Variants in MYBPHL observed in about 807,000 individuals in gnomAD.
The protein encoded by MYBPHL is myosin binding protein H like.
In MYBPHL, 32 loss-of-function variants were observed where a neutral mutation model predicts 39.5. The ratio of observed to expected loss-of-function variants is 0.81; its 90% CI spans 0.61 to 1.09. The LOEUF (loss-of-function observed/expected upper bound fraction) is 1.09. MYBPHL is among the 50% of genes least tolerant of loss of function. The pLI, the probability that MYBPHL is intolerant of heterozygous loss-of-function variation, is 0.00. For synonymous variants in MYBPHL, 196 were observed against 183.7 expected (o/e 1.07, Z -0.54); for missense variants, 456 against 460.2 (o/e 0.99, Z 0.08).
intron 1 of MYBPHL, 98 bp downstream of exon 1, chr1:109,306,749 C>T: frequency 1.9e-6 from 2 of 1,065,164 alleles, no homozygotes; most frequent in Admixed American, 3.2e-5. Flanking sequence ...GAGTCTTTAG[C>T]TCTGCAGAAA....
At chr1:109,294,077 T>A in intron 8 of MYBPHL, 129 bp downstream of exon 8, 7 of 642,252 alleles carry the variant, frequency 1.1e-5, no homozygotes, top group African/African-American at 1.8e-5. Context: ...AAAAAAATGG[T>A]TACAACAAAA....
rs1009284471 is a variant in MYBPHL at position 109,297,579 on chromosome 1, G to A, written c.273C>T (p.Gly91=). The stretch of plus-strand genomic sequence containing the variant: ...TCACACGCCTGGTGTCCAAGGCACA[G>A]CCATCATGTGTCCAGATGGCTTGAG... ...PKPQAIWTHD[G]CALDTRRVSV... Residue 91 remains glycine, a synonymous_variant, in exon 3 of 9, where the codon GGC becomes GGT. Coordinates refer to ENST00000357155, the MANE Select transcript of MYBPHL (RefSeq NM_001010985.3). 7 of 1,613,862 alleles carry A rather than the reference G, an allele frequency of 4.3e-6. No individual in the cohort carries two copies. In the Admixed American group the frequency reaches 1.0e-4, roughly 23 times the overall value.
Position 109,296,287 on chromosome 1 carries a change from TAG to T in MYBPHL, c.812_813del (p.Thr271AsnfsTer6), listed in dbSNP as rs779146627. 2.3e-5 allele frequency: 37 copies of T among 1,613,786 alleles called. No individual in the cohort carries two copies. The highest frequency in any genetic ancestry group is 3.0e-5 in the Non-Finnish European group (35 of 1,179,982). ...AGCTGGGTATTATAGCCGGTGACTGTAGTGCAGTCGGCCAGAGGCTGGGTAAA... is the reference window on the plus strand; with the variant it reads ...AGCTGGGTATTATAGCCGGTGACTGTTGCAGTCGGCCAGAGGCTGGGTAAA... The part of the protein sequence containing the change: ...PKFTQPLADC[T>X]TVTGYNTQLF... On this transcript the variant is annotated frameshift_variant, in exon 6 of 9. Coordinates refer to ENST00000357155, the MANE Select transcript of MYBPHL (RefSeq NM_001010985.3). LOFTEE classifies it high-confidence loss of function.
intron 1 of MYBPHL, among the ~76,000 whole-genome samples, chr1:109,302,056 T>A (rs1233599624): frequency 1.3e-5 from 2 of 151,612 alleles, no homozygotes; most frequent in Admixed American, 1.3e-4. Context: ...TATGTGTGTG[T>A]GAGTGTATGT....
At chr1:109,295,318 A>AG in intron 6 of MYBPHL, 21 bp from the exon 7 acceptor site, 1 of 1,609,928 alleles carries the variant, frequency 6.2e-7, no homozygotes, top group Non-Finnish European at 8.5e-7. Context: ...AAGATGAGGG[A>AG]GGCAGCAAGG....
intron 1 of MYBPHL, among the ~76,000 whole-genome samples, chr1:109,306,012 C>T (rs1022381138): frequency 3.0e-4 from 46 of 152,224 alleles, no homozygotes; most frequent in African/African-American, 9.2e-4. Flanking sequence ...CTGTTAGAGG[C>T]GGCACTAGGA....
chr1:109,295,324 C>G, intron 6 of MYBPHL, 27 bp from the exon 7 acceptor site: 9 of 1,604,024 alleles, frequency 5.6e-6, no homozygotes, highest in African/African-American at 1.3e-5. Flanking sequence ...AGGGAGGCAG[C>G]AAGGAGGGGC....
Position 109,292,541 on chromosome 1 carries a change from C to T in MYBPHL, c.*81G>A, listed in dbSNP as rs41306199. 11,687 of 152,276 alleles carry T rather than the reference C, an allele frequency of 0.077. 502 individuals carry two copies. Among genetic ancestry groups the T allele is most frequent in the African/African-American group, 0.086 (3,570 of 41,538 alleles). 9.4% of individuals were successfully genotyped at this position (152,276 alleles called of 1,614,324 possible). A position where few individuals can be genotyped will look rare whatever the true frequency, so the allele number is the denominator to read the frequency against. ...CAGGCTGCTGAGGGCACCGTTGTCACGGTCCCTGGCTCCTGTGCCATGAAT... is the reference window on the plus strand; with the variant it reads ...CAGGCTGCTGAGGGCACCGTTGTCATGGTCCCTGGCTCCTGTGCCATGAAT... On this transcript the variant is annotated 3_prime_UTR_variant, in exon 9 of 9. Transcript: ENST00000357155.
At chr1:109,299,120 C>A (rs533747453) in intron 1 of MYBPHL, among the ~76,000 whole-genome samples, 1 of 152,204 alleles carries the variant, frequency 6.6e-6, no homozygotes, top group African/African-American at 2.4e-5. Context: ...TGCGTTCCCT[C>A]GGGGGCCTGG....
At chr1:109,300,244 CAG>C (rs909409343) in intron 1 of MYBPHL, among the ~76,000 whole-genome samples, 2 of 152,184 alleles carry the variant, frequency 1.3e-5, no homozygotes, top group African/African-American at 4.8e-5. Flanking sequence ...TGCCTGGCAC[CAG>C]AGACTCCTGC....
intron 2 of MYBPHL, 150 bp from the exon 3 acceptor site, chr1:109,297,767 G>A (rs1276481944): frequency 3.0e-6 from 2 of 668,568 alleles, no homozygotes; most frequent in African/African-American, 3.6e-5. Flanking sequence ...CCCTCCCGGG[G>A]GCCTCCTCCT....
At chr1:109,296,137 C>A in intron 6 of MYBPHL, 97 bp downstream of exon 6, 1 of 1,474,252 alleles carries the variant, frequency 6.8e-7, no homozygotes, top group South Asian at 1.3e-5. Flanking sequence ...GTGATGGTAA[C>A]AGATGTTATG....
chr1:109,302,510 C>T (rs890087659), intron 1 of MYBPHL, among the ~76,000 whole-genome samples: 1 of 152,074 alleles, frequency 6.6e-6, no homozygotes, highest in Non-Finnish European at 1.5e-5. Flanking sequence ...ATGTTACAGT[C>T]GTCCCCCTAG....
chr1:109,305,424 C>T (rs529838781), intron 1 of MYBPHL, among the ~76,000 whole-genome samples: 8 of 152,208 alleles, frequency 5.3e-5, no homozygotes, highest in Non-Finnish European at 5.9e-5. Context: ...AGCTGCTGCA[C>T]ACGAGAGGCT....
intron 1 of MYBPHL, 106 bp from the exon 2 acceptor site, chr1:109,298,363 T>A: frequency 1.0e-6 from 1 of 956,380 alleles, no homozygotes; most frequent in Non-Finnish European, 1.6e-6. Flanking sequence ...GTCACCAAAT[T>A]AAGCCCTTCT....
chr1:109,305,362 C>T (rs537998833), intron 1 of MYBPHL, among the ~76,000 whole-genome samples: 155 of 152,314 alleles, frequency 1.0e-3, no homozygotes, highest in African/African-American at 3.5e-3. Context: ...TTCTGGGATA[C>T]CACTGGGTTG....
chr1:109,295,031 T>C, intron 7 of MYBPHL, 80 bp downstream of exon 7: 2 of 1,477,110 alleles, frequency 1.4e-6, no homozygotes, highest in Admixed American at 1.8e-5. Flanking sequence ...TAGGCTTGCG[T>C]CTCTGTTCCC....
intron 1 of MYBPHL, among the ~76,000 whole-genome samples, chr1:109,301,764 A>G (rs1658291880): frequency 2.0e-5 from 3 of 151,506 alleles, no homozygotes; most frequent in Admixed American, 2.0e-4. Flanking sequence ...AAAAAAAGAG[A>G]GAAAACTACT....
At position 109,298,224 on chromosome 1, in the gene MYBPHL, C is replaced by T. The variant is rs370683131; in HGVS notation, c.179G>A (p.Arg60Lys). ...HPKIWLPRALRQTYIRKVGDT... is the reference protein window; with the variant it reads ...HPKIWLPRALKQTYIRKVGDT... The stretch of plus-strand genomic sequence containing the variant: ...CCCAACCTTCCGGATGTAGGTCTGC[C>T]TCAGGGCCCGAGGTAGCCAGATCTT... Residue 60 changes from arginine (R) to lysine (K), a missense_variant, in exon 2 of 9, where the codon AGG becomes AAG. Transcript: ENST00000357155. The T allele has an allele frequency of 8.7e-6, 14 of 1,610,196 alleles. No individual in the cohort carries two copies. Among genetic ancestry groups the T allele is most frequent in the Non-Finnish European group, 1.2e-5 (14 of 1,178,446 alleles).
Sources: allele counts gnomAD v4.1 joint callset (sites outside exome capture counted in the v4.1 genomes callset), GRCh38; gene constraint gnomAD v4.1.1; transcripts MANE v1.5; gene names NCBI Gene and HGNC (gene_info 2026-07-23, HGNC 2026-07-21).